RBFOX1: variants seen among roughly 807,000 people sequenced by gnomAD.
The protein encoded by RBFOX1 is RNA binding fox-1 homolog 1.
In RBFOX1, 8 loss-of-function variants were observed where a neutral mutation model predicts 57.7. The ratio of observed to expected loss-of-function variants is 0.14; its 90% CI spans 0.08 to 0.25. The LOEUF is 0.25. RBFOX1 is among the 10% of genes least tolerant of loss of function. The probability of loss-of-function intolerance (pLI) is 1.00; values close to 1 mark genes in which losing one functional copy is unlikely to be tolerated. For synonymous variants in RBFOX1, 326 were observed against 222.4 expected (o/e 1.47, Z -4.15); for missense variants, 611 against 548.5 (o/e 1.11, Z -1.14).
chr16:6,778,104 C>G (rs546490073), intron 3 of RBFOX1, among the ~76,000 whole-genome samples: 1 of 151,978 alleles, frequency 6.6e-6, no homozygotes, highest in Non-Finnish European at 1.5e-5. Context: ...TGCACTGTTG[C>G]GAATACATGA....
intron 3 of RBFOX1, among the ~76,000 whole-genome samples, chr16:6,685,148 T>C (rs2059233448): frequency 6.6e-6 from 1 of 152,202 alleles, no homozygotes; most frequent in South Asian, 2.1e-4. Context: ...TCACCTTTTA[T>C]ATTCCATTCC....
At chr16:7,268,371 C>A (rs1025948632) in intron 4 of RBFOX1, among the ~76,000 whole-genome samples, 1 of 152,156 alleles carries the variant, frequency 6.6e-6, no homozygotes, top group African/African-American at 2.4e-5. Flanking sequence ...TCCAGGCAGC[C>A]TTGGAGGACT....
chr16:7,610,133 T>TTTTTTTTTTTTTTTTTTTTG (rs2057172720), intron 10 of RBFOX1, among the ~76,000 whole-genome samples: 1 of 120,736 alleles, frequency 8.3e-6, no homozygotes, highest in African/African-American at 3.4e-5. Context: ...TTTTTTTTTT[T>TTTTTTTTTTTTTTTTTTTTG]TTTTTTGAGG....
At chr16:6,890,043 C>G (rs2065045559) in intron 3 of RBFOX1, among the ~76,000 whole-genome samples, 1 of 152,112 alleles carries the variant, frequency 6.6e-6, no homozygotes, top group Non-Finnish European at 1.5e-5. Context: ...CCCACTTATA[C>G]TAGAAGTTGA....
chr16:5,667,555 A>G (rs1185960082), intron 3 of RBFOX1, among the ~76,000 whole-genome samples: 1 of 152,140 alleles, frequency 6.6e-6, no homozygotes, highest in East Asian at 1.9e-4. Flanking sequence ...AATATTCTTG[A>G]TTTCCTTTGT....
At chr16:7,417,856 A>G (rs1396303530) in intron 4 of RBFOX1, among the ~76,000 whole-genome samples, 1 of 152,098 alleles carries the variant, frequency 6.6e-6, no homozygotes. Context: ...TCACTTCTTG[A>G]CGCACTTTCG....
intron 3 of RBFOX1, among the ~76,000 whole-genome samples, chr16:6,714,231 A>C (rs982994403): frequency 1.3e-5 from 2 of 152,184 alleles, no homozygotes; most frequent in African/African-American, 4.8e-5. Context: ...CTCTCCAGCC[A>C]TGCAGAACTG....
intron 3 of RBFOX1, among the ~76,000 whole-genome samples, chr16:5,846,803 A>T (rs2056768595): frequency 6.6e-6 from 1 of 152,254 alleles, no homozygotes; most frequent in Non-Finnish European, 1.5e-5. Flanking sequence ...AAAAGGCTCC[A>T]GGAAGCCCCT....
At chr16:5,573,528 G>C (rs111832485) in intron 2 of RBFOX1, among the ~76,000 whole-genome samples, 2,937 of 152,274 alleles carry the variant, frequency 0.019, 46 homozygotes, top group African/African-American at 0.048. Flanking sequence ...ACTTTGAGAG[G>C]TTCAGCTCCA....
intron 1 of RBFOX1, among the ~76,000 whole-genome samples, chr16:6,040,804 G>C (rs192879068): frequency 6.6e-5 from 10 of 152,062 alleles, no homozygotes; most frequent in Non-Finnish European, 1.3e-4. Context: ...TTATGTGGCA[G>C]TCTGGTCTCA....
intron 1 of RBFOX1, among the ~76,000 whole-genome samples, chr16:6,221,724 A>C (rs2097374646): frequency 6.6e-6 from 1 of 152,190 alleles, no homozygotes; most frequent in African/African-American, 2.4e-5. Context: ...GAGCAAAGTC[A>C]CGTCTTATGT....
chr16:7,265,488 A>C (rs750830643), intron 4 of RBFOX1, among the ~76,000 whole-genome samples: 13 of 151,478 alleles, frequency 8.6e-5, no homozygotes, highest in Non-Finnish European at 1.8e-4. Context: ...TTGCTCTGTC[A>C]CCCAGGCTGG....
At chr16:6,579,312 T>G (rs2097498088) in intron 2 of RBFOX1, among the ~76,000 whole-genome samples, 1 of 152,082 alleles carries the variant, frequency 6.6e-6, no homozygotes, top group African/African-American at 2.4e-5. Flanking sequence ...CAAGCAGTCC[T>G]CCCACCTCGG....
chr16:6,250,920 T>A (rs1371281170), intron 1 of RBFOX1, among the ~76,000 whole-genome samples: 1 of 152,122 alleles, frequency 6.6e-6, no homozygotes, highest in Non-Finnish European at 1.5e-5. Context: ...CTTCCATTAG[T>A]GTAGATAATT....
At chr16:7,433,771 TATCC>T (rs1337750038) in intron 4 of RBFOX1, among the ~76,000 whole-genome samples, 6 of 152,184 alleles carry the variant, frequency 3.9e-5, no homozygotes, top group Admixed American at 1.3e-4. Flanking sequence ...GTCATCTAAC[TATCC>T]ATCCAGCCAG....
At chr16:7,175,638 C>T (rs969826105) in intron 4 of RBFOX1, among the ~76,000 whole-genome samples, 4 of 152,226 alleles carry the variant, frequency 2.6e-5, no homozygotes, top group African/African-American at 9.6e-5. Context: ...CTCACCCCAA[C>T]AGCTGTGTGC....
At chr16:7,334,777 G>C (rs2096755967) in intron 4 of RBFOX1, among the ~76,000 whole-genome samples, 1 of 152,192 alleles carries the variant, frequency 6.6e-6, no homozygotes, top group African/African-American at 2.4e-5. Context: ...AATTGGGGAG[G>C]CCCTATTTCT....
chr16:7,410,510 G>T (rs571286065), intron 4 of RBFOX1, among the ~76,000 whole-genome samples: 1 of 151,998 alleles, frequency 6.6e-6, no homozygotes, highest in Non-Finnish European at 1.5e-5. Context: ...GGAGAAACCC[G>T]GTCTCTACTA....
chr16:6,054,865 C>T (rs2095595912), intron 1 of RBFOX1, among the ~76,000 whole-genome samples: 1 of 152,076 alleles, frequency 6.6e-6, no homozygotes, highest in South Asian at 2.1e-4. Context: ...TCACTGCAAC[C>T]TCTGCCTCTT....
Sources: gnomAD v4.1 joint callset for allele counts (sites outside exome capture counted in the v4.1 genomes callset) on GRCh38, gnomAD v4.1.1 for gene constraint, MANE v1.5 for transcripts, NCBI Gene and HGNC (gene_info 2026-07-23, HGNC 2026-07-21) for gene names.